The following UNC79 variants were observed in gnomAD, a reference collection of about 807,000 sequenced individuals.
The protein encoded by UNC79 is protein unc-79 homolog.
In UNC79, 37 loss-of-function variants were observed where a neutral mutation model predicts 283.1. The observed-to-expected ratio is 0.13, with a 90% CI of 0.10 to 0.17. The LOEUF (loss-of-function observed/expected upper bound fraction) is 0.17, where lower values mean the gene tolerates loss of function less well. UNC79 is among the 10% of genes least tolerant of loss of function. The pLI, the probability that UNC79 is intolerant of heterozygous loss-of-function variation, is 1.00. For missense variants in UNC79, 2,272 were observed against 3,211.1 expected (o/e 0.71, Z 7.07); for synonymous variants, 1,107 against 1,200.2 (o/e 0.92, Z 1.61).
chr14:93,435,021 AT>A (rs1386086032), intron 1 of UNC79, among the ~76,000 whole-genome samples: 1 of 152,162 alleles, frequency 6.6e-6, no homozygotes, highest in Non-Finnish European at 1.5e-5. Context: ...TCCCATGTAT[AT>A]GTAAGGGCCA....
chr14:93,571,867 C>G, intron 14 of UNC79, 27 bp from the exon 15 acceptor site: 1 of 1,612,876 alleles, frequency 6.2e-7, no homozygotes, highest in South Asian at 1.1e-5. Context: ...TCATTCTTTT[C>G]CCCTGTGGCT....
chr14:93,605,629 G>A (rs1276835520), intron 26 of UNC79, among the ~76,000 whole-genome samples: 1 of 152,268 alleles, frequency 6.6e-6, no homozygotes, highest in African/African-American at 2.4e-5. Flanking sequence ...AACAAATTTG[G>A]TAACTCCCAC....
chr14:93,499,169 A>G (rs531278606), intron 7 of UNC79, among the ~76,000 whole-genome samples: 163 of 152,344 alleles, frequency 1.1e-3, no homozygotes, highest in African/African-American at 3.3e-3. Context: ...AAAAACAATG[A>G]AAGTAGATAG....
chr14:93,514,950 G>A (rs2059987979), intron 7 of UNC79, among the ~76,000 whole-genome samples: 1 of 152,092 alleles, frequency 6.6e-6, no homozygotes, highest in Non-Finnish European at 1.5e-5. Flanking sequence ...CTTCAAAAGT[G>A]GCTTCTGACA....
chr14:93,577,114 T>C (rs2141682841), intron 17 of UNC79, among the ~76,000 whole-genome samples: 1 of 152,218 alleles, frequency 6.6e-6, no homozygotes, highest in Non-Finnish European at 1.5e-5. Flanking sequence ...GTGGGAGGAT[T>C]GCTTGAGAGT....
At chr14:93,707,186 A>G (rs1407864408), downstream of UNC79, 12 of 341,756 alleles carry the variant, frequency 3.5e-5, no homozygotes, top group Non-Finnish European at 5.8e-5. Context: ...TAAGAAAAAA[A>G]AATAGACTGG....
intron 14 of UNC79, among the ~76,000 whole-genome samples, chr14:93,552,042 G>A (rs2061926600): frequency 6.6e-6 from 1 of 152,168 alleles, no homozygotes; most frequent in Non-Finnish European, 1.5e-5. Flanking sequence ...AGCCTGGAAG[G>A]CATAAACTTT....
chr14:93,548,647 C>T (rs1199153008), intron 14 of UNC79, among the ~76,000 whole-genome samples: 1 of 152,200 alleles, frequency 6.6e-6, no homozygotes, highest in Non-Finnish European at 1.5e-5. Context: ...ATAAAATTCT[C>T]TTTCTCTGTC....
Position 93,571,834 on chromosome 14 carries a change from A to G in UNC79, c.1756-60A>G, listed in dbSNP as rs922085398. Reference sequence around the variant, plus strand: ...TACCCATTGCCTTAGGAAGTCCTTGAGTATAATTGTAACCAGTGTGTTTCA... The same window carrying G: ...TACCCATTGCCTTAGGAAGTCCTTGGGTATAATTGTAACCAGTGTGTTTCA... On this transcript the variant is annotated intron_variant, in intron 14 of 48. Coordinates refer to ENST00000555664, the Ensembl canonical transcript of UNC79. 1.2e-5 allele frequency: 19 copies of G among 1,581,312 alleles called. No individual in the cohort carries two copies. The Admixed American group carries it at 3.1e-4, about 26-fold the overall frequency.
intron 10 of UNC79, 42 bp from the exon 11 acceptor site, chr14:93,532,508 C>T (rs1434148217): frequency 6.3e-7 from 1 of 1,593,402 alleles, no homozygotes; most frequent in Admixed American, 1.7e-5. Context: ...ATTAGAGGGG[C>T]TCTCTTTCTT....
intron 1 of UNC79, among the ~76,000 whole-genome samples, chr14:93,438,951 G>A (rs1490160197): frequency 6.6e-6 from 1 of 151,674 alleles, no homozygotes. Flanking sequence ...CTCTTGCTTA[G>A]TATTTTCTTT....
At chr14:93,638,893 G>C (rs34130170) in intron 32 of UNC79, among the ~76,000 whole-genome samples, 4 of 152,138 alleles carry the variant, frequency 2.6e-5, no homozygotes. Context: ...GCAATATTTA[G>C]CGATCCATTG....
intron 7 of UNC79, among the ~76,000 whole-genome samples, chr14:93,517,220 C>T (rs1380469679): frequency 1.3e-5 from 2 of 149,186 alleles, no homozygotes; most frequent in East Asian, 3.9e-4. Flanking sequence ...TCCATCCCTC[C>T]CTTCCTTCTT....
At chr14:93,373,364 T>G (rs1237941170) in intron 1 of UNC79, among the ~76,000 whole-genome samples, 1 of 151,328 alleles carries the variant, frequency 6.6e-6, no homozygotes, top group Non-Finnish European at 1.5e-5. Context: ...TGGTTCCTAG[T>G]AAAGTTTAAT....
At chr14:93,442,509 C>T (rs1326990395) in intron 1 of UNC79, among the ~76,000 whole-genome samples, 3 of 151,836 alleles carry the variant, frequency 2.0e-5, no homozygotes, top group Non-Finnish European at 2.9e-5. Context: ...TTATTTAGGC[C>T]TTATTTTGAA....
chr14:93,586,795 T>C (rs755953535), exon 22 of UNC79: 1 of 1,614,034 alleles, frequency 6.2e-7, no homozygotes, highest in South Asian at 1.1e-5. Flanking sequence ...ACATTCTTTT[T>C]AATATGCTCA....
chr14:93,344,188 G>A (rs1270683187), intron 1 of UNC79, among the ~76,000 whole-genome samples: 1 of 152,152 alleles, frequency 6.6e-6, no homozygotes, highest in Admixed American at 6.5e-5. Flanking sequence ...GATTAAACCA[G>A]TCAAGCTTGC....
intron 7 of UNC79, among the ~76,000 whole-genome samples, chr14:93,522,697 T>C (rs2060376998): frequency 6.6e-6 from 1 of 152,134 alleles, no homozygotes. Context: ...ATTTCTTCTT[T>C]GTTGTGCTCT....
At position 93,617,020 on chromosome 14, in the gene UNC79, C is replaced by A; in HGVS notation, c.4042-102C>A. 1.0e-6 allele frequency: 1 copy of A among 994,434 alleles called. No homozygotes were observed. Among genetic ancestry groups the A allele is most frequent in the Non-Finnish European group, 1.4e-6 (1 of 691,254 alleles). 61.6% of individuals were successfully genotyped at this position (994,434 alleles called of 1,614,324 possible). A position where few individuals can be genotyped will look rare whatever the true frequency, so the allele number is the denominator to read the frequency against. On this transcript the variant is annotated intron_variant, in intron 27 of 48. Coordinates refer to ENST00000555664, the Ensembl canonical transcript of UNC79. The surrounding 1 kb of genome is among the most constrained non-coding windows in gnomAD (Gnocchi z 4.5). The stretch of plus-strand genomic sequence containing the variant: ...GTGGGATGCCTGTTAAATATTTTGC[C>A]TGTTAAAAATTTTAACCACTGGGAT...
Sources: gnomAD v4.1 joint callset for allele counts (sites outside exome capture counted in the v4.1 genomes callset) on GRCh38, gnomAD v4.1.1 for gene constraint, Gnocchi (gnomAD v3.1) non-coding constraint, MANE v1.5 for transcripts, NCBI Gene and HGNC (gene_info 2026-07-23, HGNC 2026-07-21) for gene names.